The following ROR2 variants were observed in gnomAD, a reference collection of about 807,000 sequenced individuals.
The protein encoded by ROR2 is tyrosine-protein kinase transmembrane receptor ROR2.
ROR2 carries 33 observed loss-of-function variants against 74.9 expected under a neutral mutation model. The observed-to-expected ratio is 0.44, with a 90% CI of 0.33 to 0.59. The LOEUF is 0.59. Ranked by LOEUF, ROR2 falls within the 20% of genes least tolerant of loss-of-function variation. The pLI, the probability that ROR2 is intolerant of heterozygous loss-of-function variation, is 0.02. For missense variants in ROR2, 1,216 were observed against 1,313.8 expected, an observed-to-expected ratio of 0.93 and a Z score of 1.15; for synonymous variants, 586 against 558.7, an observed-to-expected ratio of 1.05 and a Z score of -0.69.
chr9:91,823,384 G>A (rs1997286), intron 1 of ROR2, among the ~76,000 whole-genome samples: 62,198 of 151,234 alleles, frequency 0.41, 15,064 homozygotes, highest in African/African-American at 0.65. Flanking sequence ...GCCCAGGCTG[G>A]AGTGACATGA....
intron 1 of ROR2, among the ~76,000 whole-genome samples, chr9:91,910,151 T>C (rs1489305240): frequency 6.6e-6 from 1 of 152,136 alleles, no homozygotes; most frequent in East Asian, 1.9e-4. Flanking sequence ...TGAGCAACCA[T>C]GCCCAGCCAA....
In ROR2 at chr9:91,724,491, T is replaced by A; in HGVS notation, c.2003A>T (p.Lys668Met). The change falls in exon 9 of 9, where the codon AAG (lysine) becomes ATG (methionine). Residue 668 changes from lysine (K) to methionine (M), a missense_variant. Lys to Met is a moderately conservative substitution (Grantham distance 95). Coordinates refer to ENST00000375708, the MANE Select transcript of ROR2 (RefSeq NM_004560.4). ...WMAPEAIMYGKFSIDSDIWSY... is the reference protein window; with the variant it reads ...WMAPEAIMYGMFSIDSDIWSY... Reference sequence around the variant, plus strand: ...CCAGATGTCTGAGTCGATGGAGAACTTGCCGTACATGATGGCCTCTGGGGC... The same window carrying A: ...CCAGATGTCTGAGTCGATGGAGAACATGCCGTACATGATGGCCTCTGGGGC... The A allele has an allele frequency of 6.2e-7, 1 of 1,614,214 alleles. No individual in the cohort carries two copies. The highest frequency in any genetic ancestry group is 8.5e-7 in the Non-Finnish European group (1 of 1,180,034).
chr9:91,800,065 G>A (rs1005676636), intron 1 of ROR2, among the ~76,000 whole-genome samples: 7 of 152,196 alleles, frequency 4.6e-5, no homozygotes, highest in South Asian at 2.1e-4. Flanking sequence ...TCACTGGCCC[G>A]GTGCAGTGGC....
At chr9:91,831,591 C>T (rs1828467073) in intron 1 of ROR2, among the ~76,000 whole-genome samples, 1 of 152,094 alleles carries the variant, frequency 6.6e-6, no homozygotes, top group African/African-American at 2.4e-5. Flanking sequence ...ATCTCACCAA[C>T]GTGGTGAAAC....
intron 1 of ROR2, among the ~76,000 whole-genome samples, chr9:91,867,042 T>A (rs1829654281): frequency 6.6e-6 from 1 of 152,210 alleles, no homozygotes; most frequent in African/African-American, 2.4e-5. Flanking sequence ...ATACATACAG[T>A]CGGCATATTC....
At chr9:91,738,515 C>T (rs1452599800) in intron 4 of ROR2, among the ~76,000 whole-genome samples, 2 of 152,176 alleles carry the variant, frequency 1.3e-5, no homozygotes, top group African/African-American at 4.8e-5. Flanking sequence ...TATGGCAATG[C>T]CCCTGCAAAC....
chr9:91,917,627 A>C (rs1831169308), intron 1 of ROR2, among the ~76,000 whole-genome samples: 1 of 152,216 alleles, frequency 6.6e-6, no homozygotes, highest in Non-Finnish European at 1.5e-5. Flanking sequence ...CACAGATCCC[A>C]CTTCTGCAGG....
intron 1 of ROR2, among the ~76,000 whole-genome samples, chr9:91,851,504 G>A (rs1248558589): frequency 6.6e-6 from 1 of 152,040 alleles, no homozygotes; most frequent in East Asian, 1.9e-4. Flanking sequence ...AGGTTCTCAC[G>A]ATAATTTCAC....
At chr9:91,919,814 G>C (rs1831221306) in intron 1 of ROR2, among the ~76,000 whole-genome samples, 1 of 152,138 alleles carries the variant, frequency 6.6e-6, no homozygotes, top group Non-Finnish European at 1.5e-5. Flanking sequence ...TACCCTTCCT[G>C]GGAAGGTTTC....
At chr9:91,864,094 G>C (rs1460347215) in intron 1 of ROR2, among the ~76,000 whole-genome samples, 1 of 152,164 alleles carries the variant, frequency 6.6e-6, no homozygotes, top group African/African-American at 2.4e-5. Flanking sequence ...TAAACTCCTG[G>C]ACCCCCTTAA....
At chr9:91,869,830 A>G (rs1390971974) in intron 1 of ROR2, among the ~76,000 whole-genome samples, 1 of 152,202 alleles carries the variant, frequency 6.6e-6, no homozygotes, top group Non-Finnish European at 1.5e-5. Context: ...TAAAATTTTA[A>G]AAAATCTTCC....
intron 1 of ROR2, among the ~76,000 whole-genome samples, chr9:91,898,708 G>C (rs1830597988): frequency 6.6e-6 from 1 of 152,206 alleles, no homozygotes; most frequent in African/African-American, 2.4e-5. Flanking sequence ...GACTTTAAAA[G>C]GACAATCTTG....
chr9:91,876,631 C>A (rs1292658224), intron 1 of ROR2, among the ~76,000 whole-genome samples: 1 of 152,102 alleles, frequency 6.6e-6, no homozygotes, highest in African/African-American at 2.4e-5. Flanking sequence ...ACAAAGATGA[C>A]TCAAGAGCCA....
chr9:91,903,165 C>T (rs1309324045), intron 1 of ROR2, among the ~76,000 whole-genome samples: 3 of 151,384 alleles, frequency 2.0e-5, no homozygotes, highest in African/African-American at 7.3e-5. Flanking sequence ...AAAAAAAATA[C>T]ATGTTCTCCC....
intron 4 of ROR2, among the ~76,000 whole-genome samples, chr9:91,749,382 G>T (rs1210173189): frequency 6.6e-6 from 1 of 152,170 alleles, no homozygotes; most frequent in African/African-American, 2.4e-5. Flanking sequence ...CCTTCCAGAT[G>T]GCACCTGAGA....
At chr9:91,913,969 A>G (rs1831059111) in intron 1 of ROR2, among the ~76,000 whole-genome samples, 1 of 152,172 alleles carries the variant, frequency 6.6e-6, no homozygotes, top group African/African-American at 2.4e-5. Flanking sequence ...TTGCATGAAT[A>G]TTAACTTTTT....
chr9:91,933,265 G>A (rs1031728988), intron 1 of ROR2, among the ~76,000 whole-genome samples: 128 of 152,128 alleles, frequency 8.4e-4, no homozygotes, highest in African/African-American at 2.7e-3. Context: ...GCAGTGAGCC[G>A]AGATTGCGCC....
intron 1 of ROR2, among the ~76,000 whole-genome samples, chr9:91,824,565 T>A (rs574656670): frequency 6.6e-6 from 1 of 152,078 alleles, no homozygotes; most frequent in Admixed American, 6.5e-5. Flanking sequence ...TCACCAAAAA[T>A]GTAGTAGGAA....
At chr9:91,851,298 G>C (rs1474482396) in intron 1 of ROR2, among the ~76,000 whole-genome samples, 1 of 149,736 alleles carries the variant, frequency 6.7e-6, no homozygotes, top group Non-Finnish European at 1.5e-5. Context: ...CTAGCAGTGA[G>C]CTGAAATCAC....
Sources: gnomAD v4.1 joint callset for allele counts (sites outside exome capture counted in the v4.1 genomes callset) on GRCh38, gnomAD v4.1.1 for gene constraint, MANE v1.5 for transcripts, NCBI Gene and HGNC (gene_info 2026-07-23, HGNC 2026-07-21) for gene names.